CAMKMT: variants seen among roughly 807,000 people sequenced by gnomAD.
The protein encoded by CAMKMT is CaM KMT.
A neutral mutation model predicts 48.0 loss-of-function variants in CAMKMT; 53 were observed. The observed-to-expected ratio is 1.10, with a 90% CI of 0.89 to 1.39. The LOEUF (loss-of-function observed/expected upper bound fraction) is 1.39, where lower values mean the gene tolerates loss of function less well. Among genes scored for constraint, CAMKMT ranks in the 40% most tolerant of loss-of-function variants. CAMKMT has a pLI of 0.00. For synonymous variants in CAMKMT, 165 were observed against 152.3 expected, an observed-to-expected ratio of 1.08 and a Z score of -0.61; for missense variants, 428 against 402.7, an observed-to-expected ratio of 1.06 and a Z score of -0.54.
chr2:44,466,723 A>T (rs1311221136), intron 3 of CAMKMT, among the ~76,000 whole-genome samples: 1 of 152,180 alleles, frequency 6.6e-6, no homozygotes, highest in East Asian at 1.9e-4. Flanking sequence ...CAAAACTAAG[A>T]TGGCTTTTAG....
chr2:44,584,695 T>G (rs768326080), intron 3 of CAMKMT, among the ~76,000 whole-genome samples: 3 of 152,110 alleles, frequency 2.0e-5, no homozygotes, highest in Non-Finnish European at 2.9e-5. Flanking sequence ...ATAAGCAAGA[T>G]GGAGTTCCTT....
At chr2:44,474,012 T>G (rs972799275) in intron 3 of CAMKMT, among the ~76,000 whole-genome samples, 2 of 152,218 alleles carry the variant, frequency 1.3e-5, no homozygotes, top group Non-Finnish European at 2.9e-5. Context: ...ATTTGGCTAT[T>G]TGCAGCACAA....
At chr2:44,566,080 A>G (rs958868981) in intron 3 of CAMKMT, among the ~76,000 whole-genome samples, 4 of 152,270 alleles carry the variant, frequency 2.6e-5, no homozygotes, top group Admixed American at 6.5e-5. Context: ...AAACATTTGT[A>G]AAAACCAAGT....
chr2:44,620,720 T>G (rs770648161), intron 3 of CAMKMT, among the ~76,000 whole-genome samples: 1 of 152,232 alleles, frequency 6.6e-6, no homozygotes, highest in African/African-American at 2.4e-5. Flanking sequence ...TTATTTATCT[T>G]TAATTCCTAC....
At chr2:44,524,306 C>A (rs551468424) in intron 3 of CAMKMT, among the ~76,000 whole-genome samples, 2 of 152,206 alleles carry the variant, frequency 1.3e-5, no homozygotes, top group East Asian at 3.9e-4. Context: ...TCTTCGTAGC[C>A]AGTAACATTA....
chr2:44,507,732 G>A (rs1195897643), intron 3 of CAMKMT, among the ~76,000 whole-genome samples: 1 of 152,118 alleles, frequency 6.6e-6, no homozygotes. Flanking sequence ...ATGAAGTAGA[G>A]TAGTGCTACT....
chr2:44,754,078 C>G lies in CAMKMT; in HGVS notation c.722C>G (p.Ala241Gly), dbSNP rs1297111204. ...AGCCTGTTTCTGGACCAGTACAGAG[C>G]CAGCCTTGTTGATGCAATAAAGAGA... ...ADCLFLDQYR[A>G]SLVDAIKRLL... is the part of the protein sequence containing the mutation. The change falls in exon 9 of 11, where the codon GCC becomes GGC. Residue 241 changes from alanine to glycine, a missense_variant. Transcript: ENST00000378494. 1.9e-6 allele frequency: 3 copies of G among 1,613,962 alleles called. No homozygotes were observed. The Admixed American group carries it at 5.0e-5, about 27-fold the overall frequency.
intron 3 of CAMKMT, among the ~76,000 whole-genome samples, chr2:44,546,858 G>C (rs1667439229): frequency 6.6e-6 from 1 of 152,202 alleles, no homozygotes; most frequent in Admixed American, 6.5e-5. Context: ...TGCTGATACA[G>C]TGTAGTGCAC....
intron 3 of CAMKMT, among the ~76,000 whole-genome samples, chr2:44,636,365 G>C (rs1376019084): frequency 2.0e-5 from 3 of 152,210 alleles, no homozygotes; most frequent in Admixed American, 2.0e-4. Context: ...TTAGGACCCA[G>C]ATGTGCAAGA....
chr2:44,590,346 T>C (rs1319542206), intron 3 of CAMKMT, among the ~76,000 whole-genome samples: 1 of 152,234 alleles, frequency 6.6e-6, no homozygotes, highest in African/African-American at 2.4e-5. Flanking sequence ...TTATTTCTCC[T>C]TCAATATTTG....
intron 3 of CAMKMT, among the ~76,000 whole-genome samples, chr2:44,393,055 C>G (rs1681501097): frequency 6.6e-6 from 1 of 151,840 alleles, no homozygotes; most frequent in South Asian, 2.1e-4. Flanking sequence ...AAGGTATGGT[C>G]ATGGTTTAGT....
At chr2:44,372,379 G>A (rs1045113458) in intron 1 of CAMKMT, among the ~76,000 whole-genome samples, 3 of 151,832 alleles carry the variant, frequency 2.0e-5, no homozygotes, top group African/African-American at 7.3e-5. Flanking sequence ...CAGCTGCTAG[G>A]GAGCCTGAGG....
At chr2:44,639,098 G>C (rs933484044) in intron 3 of CAMKMT, among the ~76,000 whole-genome samples, 3 of 152,172 alleles carry the variant, frequency 2.0e-5, no homozygotes, top group Non-Finnish European at 4.4e-5. Flanking sequence ...ACCAAGACCA[G>C]TTCTTTAGTA....
At chr2:44,721,724 C>T (rs1219602382) in intron 7 of CAMKMT, among the ~76,000 whole-genome samples, 1 of 152,126 alleles carries the variant, frequency 6.6e-6, no homozygotes, top group Admixed American at 6.6e-5. Flanking sequence ...AATCCCAGCA[C>T]TTTGGGGTGC....
chr2:44,384,500 C>CTTTTTTTTTTTTTTTTTT (rs141017634), intron 2 of CAMKMT, among the ~76,000 whole-genome samples: 8 of 95,852 alleles, frequency 8.3e-5, no homozygotes, highest in African/African-American at 2.7e-4. Flanking sequence ...AGCTATTTAT[C>CTTTTTTTTTTTTTTTTTT]TTTTTTTTTT....
chr2:44,640,151 A>G (rs1379454747), intron 3 of CAMKMT, among the ~76,000 whole-genome samples: 1 of 152,222 alleles, frequency 6.6e-6, no homozygotes, highest in Non-Finnish European at 1.5e-5. Context: ...TGTGTCATCA[A>G]ATAGGAAGAT....
At chr2:44,382,771 G>A (rs1572698221) in intron 2 of CAMKMT, among the ~76,000 whole-genome samples, 2 of 151,926 alleles carry the variant, frequency 1.3e-5, no homozygotes, top group Admixed American at 6.6e-5. Context: ...GAGCCACCAC[G>A]CCCGGCCAAC....
rs1276703276 is a variant in CAMKMT, at chr2:44,608,979, C to G, written c.377-95304C>G. On this transcript the variant is annotated intron_variant, in intron 3 of 10. Coordinates refer to ENST00000378494, the MANE Select transcript of CAMKMT (RefSeq NM_024766.5). ...TTTTCTATTCAAGTAATTTAAATCTCTATTCAAGTCCAATCCAAAATCTAC... is the reference window on the plus strand; with the variant it reads ...TTTTCTATTCAAGTAATTTAAATCTGTATTCAAGTCCAATCCAAAATCTAC... 6.6e-5 allele frequency among the ~76,000 whole-genome samples: 10 copies of G among 152,196 alleles called. No homozygotes were observed. In the South Asian group the frequency reaches 8.3e-4, roughly 13 times the overall value.
At chr2:44,517,570 GA>G (rs1291439100) in intron 3 of CAMKMT, among the ~76,000 whole-genome samples, 1 of 152,156 alleles carries the variant, frequency 6.6e-6, no homozygotes, top group Admixed American at 6.5e-5. Context: ...TTAACTTGAA[GA>G]GTATAGTGAG....
Sources: allele counts gnomAD v4.1 joint callset (sites outside exome capture counted in the v4.1 genomes callset), GRCh38; gene constraint gnomAD v4.1.1; transcripts MANE v1.5; gene names NCBI Gene and HGNC (gene_info 2026-07-23, HGNC 2026-07-21).